The following GAREM2 variants were observed in gnomAD, a reference collection of about 807,000 sequenced individuals.
GAREM2 encodes GRB2 associated regulator of MAPK1 subtype 2, also known as GRB2-associated and regulator of MAPK protein 2.
GAREM2 carries 30 observed loss-of-function variants against 55.6 expected under a neutral mutation model. The observed-to-expected ratio is 0.54, with a 90% CI of 0.40 to 0.73. GAREM2 has a LOEUF of 0.73. GAREM2 is among the 30% of genes least tolerant of loss of function. The pLI is 0.00. For missense variants in GAREM2, 1,075 were observed against 1,257.7 expected, an observed-to-expected ratio of 0.85 and a Z score of 2.20; for synonymous variants, 550 against 569.1, an observed-to-expected ratio of 0.97 and a Z score of 0.48.
At position 26,187,857 on chromosome 2, in the gene GAREM2, C is replaced by A; in HGVS notation, c.2225C>A (p.Ala742Asp). ...CTTTCACCACTTGGCCCCTCCAAGG[C>A]CTTTGAGCCTGAAGGTTTGGTGCTG... ...PRLSPLGPSKAFEPEGLVLHQ... is the reference protein window; with the variant it reads ...PRLSPLGPSKDFEPEGLVLHQ... The change falls in exon 6 of 6, where the codon GCC (alanine) becomes GAC (aspartate). Residue 742 changes from alanine to aspartate, a missense_variant. This residue lies in a region of GAREM2 where 15 missense variants were observed against 31.0 expected (regional missense o/e 0.48). Transcript: ENST00000401533. 2.1e-6 allele frequency: 3 copies of A among 1,440,396 alleles called. No individual in the cohort carries two copies. Among genetic ancestry groups the A allele is most frequent in the Non-Finnish European group, 2.7e-6 (3 of 1,091,676 alleles). The allele number at this position is 1,440,396 out of a possible 1,614,324, so 89.2% of individuals were successfully genotyped here. A position where few individuals can be genotyped will look rare whatever the true frequency, so the allele number is the denominator to read the frequency against.
intron 1 of GAREM2, among the ~76,000 whole-genome samples, chr2:26,176,133 A>G (rs1668857955): frequency 6.6e-6 from 1 of 152,176 alleles, no homozygotes; most frequent in Non-Finnish European, 1.5e-5. Flanking sequence ...GTCGGGAGTC[A>G]CAGCCCTGAG....
At position 26,189,182 on chromosome 2, in the gene GAREM2, T is replaced by G. The variant is rs1669406305; in HGVS notation, c.*925T>G. 6.6e-6 allele frequency: 1 copy of G among 152,286 alleles called. No homozygotes were observed. The highest frequency in any genetic ancestry group is 1.5e-5 in the Non-Finnish European group (1 of 68,070). 9.4% of individuals were successfully genotyped at this position (152,286 alleles called of 1,614,324 possible). On this transcript the variant is annotated 3_prime_UTR_variant, in exon 6 of 6. Coordinates refer to ENST00000401533, the MANE Select transcript of GAREM2 (RefSeq NM_001168241.2). ...TTGTCTCTGACAATACTTGGTGTTT[T>G]TCCCTGGTTTTCTGTCACTGGCACA...
At position 26,179,059 on chromosome 2, in the gene GAREM2, G is replaced by T. The variant is rs1238766161; in HGVS notation, c.253+2575G>T. ...GGACCGCGGAGAGAGCCGAGGGGAAGGCCGTGGAGGGAGGAGGACGGCGAC... is the reference window on the plus strand; with the variant it reads ...GGACCGCGGAGAGAGCCGAGGGGAATGCCGTGGAGGGAGGAGGACGGCGAC... On this transcript the variant is annotated intron_variant, in intron 2 of 5. Coordinates refer to ENST00000401533, the MANE Select transcript of GAREM2 (RefSeq NM_001168241.2). The surrounding 1 kb of genome is among the most constrained non-coding windows in gnomAD (Gnocchi z 4.7). 1.3e-5 allele frequency among the ~76,000 whole-genome samples: 2 copies of T among 152,246 alleles called. No individual in the cohort carries two copies. The highest frequency in any genetic ancestry group is 4.8e-5 in the African/African-American group (2 of 41,472).
rs1669326713 is a variant in GAREM2 at position 26,187,667 on chromosome 2, C to CCCCCCTCCTCCTGCG, written c.2048_2062dup (p.Cys683_Ser687dup). On this transcript the variant is annotated inframe_insertion, in exon 6 of 6. Transcript: ENST00000401533. ...GCCAGGCCAGGCCTATTCAGCTGCT[C>CCCCCCTCCTCCTGCG]CCCCCTCCTCCTGCGCCCCCTCCTC... The CCCCCCTCCTCCTGCG allele has an allele frequency of 2.7e-6, 4 of 1,507,958 alleles. No individual in the cohort carries two copies. Among genetic ancestry groups the CCCCCCTCCTCCTGCG allele is most frequent in the Non-Finnish European group, 3.6e-6 (4 of 1,120,790 alleles). 93.4% of individuals were successfully genotyped at this position (1,507,958 alleles called of 1,614,324 possible). A position where few individuals can be genotyped will look rare whatever the true frequency, so the allele number is the denominator to read the frequency against.
downstream of GAREM2, chr2:26,191,650 T>G (rs1669508708): frequency 6.2e-7 from 1 of 1,613,306 alleles, no homozygotes; most frequent in South Asian, 1.1e-5. Context: ...AAGAGATGTT[T>G]AGGTAGAAGA....
chr2:26,192,541 C>T (rs1669539046), downstream of GAREM2: 3 of 732,580 alleles, frequency 4.1e-6, no homozygotes, highest in Non-Finnish European at 7.5e-6. Context: ...AATCCCAGCA[C>T]TTTGGGAGGC....
chr2:26,195,362 A>G, the GAREM2 span: 1 of 842,556 alleles, frequency 1.2e-6, no homozygotes, highest in Non-Finnish European at 2.1e-6. Context: ...GACATAGCTG[A>G]GTGGTTTGGT....
rs534421492 is a variant in GAREM2, at chr2:26,179,027, C to T, written c.253+2543C>T. ...TGGCGCTCGGGCGGGCGGGGGTGGC[C>T]GGCTGCGGACCGCGGAGAGAGCCGA... On this transcript the variant is annotated intron_variant, in intron 2 of 5. Coordinates refer to ENST00000401533, the MANE Select transcript of GAREM2 (RefSeq NM_001168241.2). The surrounding 1 kb of genome is among the most constrained non-coding windows in gnomAD (Gnocchi z 4.7). Among the ~76,000 whole-genome samples, 19 of 152,208 alleles carry T rather than the reference C, an allele frequency of 1.2e-4. No homozygotes were observed. The highest frequency in any genetic ancestry group is 4.6e-4 in the African/African-American group (19 of 41,500).
the GAREM2 span, chr2:26,197,893 C>T: frequency 3.0e-5 from 22 of 736,942 alleles, no homozygotes; most frequent in East Asian, 5.0e-4. Flanking sequence ...CACAACTGCT[C>T]AGACAGTAGA....
At chr2:26,195,305 AG>A in the GAREM2 span, 1 of 1,250,276 alleles carries the variant, frequency 8.0e-7, no homozygotes, top group Non-Finnish European at 1.2e-6. Context: ...CTTCTCTGCT[AG>A]GAAAACACTA....
chr2:26,176,923 C>T (rs934599460), intron 2 of GAREM2, among the ~76,000 whole-genome samples: 5 of 152,100 alleles, frequency 3.3e-5, no homozygotes, highest in East Asian at 1.9e-4. Context: ...TGCACCTCTC[C>T]GCGCTGATCC....
chr2:26,184,103 C>A lies in GAREM2; in HGVS notation c.385-130C>A, dbSNP rs1669139602. 1.2e-5 allele frequency: 17 copies of A among 1,376,520 alleles called. No individual in the cohort carries two copies. The South Asian group carries it at 2.0e-4, about 16-fold the overall frequency. The allele number at this position is 1,376,520 out of a possible 1,614,324, so 85.3% of individuals were successfully genotyped here. A position where few individuals can be genotyped will look rare whatever the true frequency, so the allele number is the denominator to read the frequency against. On this transcript the variant is annotated intron_variant, in intron 3 of 5. Coordinates refer to ENST00000401533, the MANE Select transcript of GAREM2 (RefSeq NM_001168241.2). ...TCCAGGATGAACGTGGATCTCCTGG[C>A]CTACCATCTAGTCCGAGCCCCGGGA...
At chr2:26,194,709 C>T in the GAREM2 span, 1 of 961,878 alleles carries the variant, frequency 1.0e-6, no homozygotes, top group Non-Finnish European at 1.7e-6. Flanking sequence ...CTACCTTTCC[C>T]AGGGTCACTT....
downstream of GAREM2, chr2:26,194,449 C>T (rs915097410): frequency 5.3e-5 from 40 of 751,054 alleles, no homozygotes; most frequent in African/African-American, 5.3e-4. Context: ...CAGGGACCTT[C>T]CTAGACAAGA....
At position 26,184,766 on chromosome 2, in the gene GAREM2, CCGCGAGGGCCCG is replaced by C; in HGVS notation, c.919_930del (p.Arg307_Pro310del). 6.7e-7 allele frequency: 1 copy of C among 1,495,660 alleles called. No homozygotes were observed. The highest frequency in any genetic ancestry group is 8.9e-7 in the Non-Finnish European group (1 of 1,128,338). The allele number at this position is 1,495,660 out of a possible 1,614,324, so 92.6% of individuals were successfully genotyped here. A position where few individuals can be genotyped will look rare whatever the true frequency, so the allele number is the denominator to read the frequency against. On this transcript the variant is annotated inframe_deletion, in exon 4 of 6. Coordinates refer to ENST00000401533, the MANE Select transcript of GAREM2 (RefSeq NM_001168241.2). ...CGGTGGTGCTGGGGCTGGCGCTGCG[CCGCGAGGGCCCG>C]GCGCCGCTGCACTTCCTGCTGCTCA... is the stretch of plus-strand genomic sequence containing the variant.
intron 2 of GAREM2, chr2:26,182,342 T>G: frequency 6.7e-7 from 1 of 1,499,916 alleles, no homozygotes; most frequent in Non-Finnish European, 8.9e-7. Flanking sequence ...GAGAGTAGGA[T>G]TGGATATTGG....
At chr2:26,203,833 T>G in the GAREM2 span, among the ~76,000 whole-genome samples, 1 of 152,228 alleles carries the variant, frequency 6.6e-6, no homozygotes, top group Admixed American at 6.5e-5. Context: ...GGATGTTAAT[T>G]GTCTATGATA....
At chr2:26,198,508 G>A in the GAREM2 span, among the ~76,000 whole-genome samples, 1 of 151,864 alleles carries the variant, frequency 6.6e-6, no homozygotes, top group Non-Finnish European at 1.5e-5. Flanking sequence ...GATGAGAAAC[G>A]TGGAAGGGAC....
chr2:26,182,019 C>T (rs1669066809), intron 2 of GAREM2: 16 of 995,118 alleles, frequency 1.6e-5, no homozygotes, highest in Admixed American at 5.9e-5. Flanking sequence ...TGTCTTCTCT[C>T]GACTTGTTCC....
Sources: gnomAD v4.1 joint callset for allele counts (sites outside exome capture counted in the v4.1 genomes callset) on GRCh38, gnomAD v4.1.1 for gene constraint, gnomAD v4.1.1 regional missense constraint, Gnocchi (gnomAD v3.1) non-coding constraint, MANE v1.5 for transcripts, NCBI Gene and HGNC (gene_info 2026-07-23, HGNC 2026-07-21) for gene names.